Variants in GPR139 observed in about 807,000 individuals in gnomAD.
The protein encoded by GPR139 is G protein-coupled receptor 139.
Under a neutral mutation model 25.8 loss-of-function variants are expected in GPR139, and 12 were observed. The observed-to-expected ratio is 0.47, with a 90% CI of 0.30 to 0.75. The LOEUF (loss-of-function observed/expected upper bound fraction) is 0.75. GPR139 is among the 30% of genes least tolerant of loss of function. GPR139 has a pLI of 0.07. For synonymous variants in GPR139, 184 were observed against 179.9 expected, an observed-to-expected ratio of 1.02 and a Z score of -0.18; for missense variants, 380 against 450.2, an observed-to-expected ratio of 0.84 and a Z score of 1.41.
chr16:20,038,331 G>A (rs202234727), intron 1 of GPR139, among the ~76,000 whole-genome samples: 157 of 33,104 alleles, frequency 4.7e-3, no homozygotes, highest in African/African-American at 0.023. Flanking sequence ...ATATATATAT[G>A]TGTGTGTGTG....
At chr16:20,050,992 G>A (rs772129940) in intron 1 of GPR139, among the ~76,000 whole-genome samples, 69 of 149,544 alleles carry the variant, frequency 4.6e-4, no homozygotes, top group Non-Finnish European at 8.9e-4. Context: ...GAGCCCAAGA[G>A]GTCAAGGCTG....
Position 20,032,216 on chromosome 16 carries a change from A to G in GPR139, c.581T>C (p.Val194Ala). 1.2e-6 allele frequency: 2 copies of G among 1,614,206 alleles called. No homozygotes were observed. The highest frequency in any genetic ancestry group is 2.2e-5 in the South Asian group (2 of 91,080). ...IWIHCFTVYL[V>A]PCSIFFILNS... ...CAAGATGAAGAAGATGGAGCAGGGCACCAGGTAGACGGTGAAGCAGTGGAT... is the reference window on the plus strand; with the variant it reads ...CAAGATGAAGAAGATGGAGCAGGGCGCCAGGTAGACGGTGAAGCAGTGGAT... Residue 194 changes from valine (V) to alanine (A), a missense_variant, in exon 2 of 2, where the codon GTG becomes GCG. Coordinates refer to ENST00000570682, the MANE Select transcript of GPR139 (RefSeq NM_001002911.4).
intron 1 of GPR139, among the ~76,000 whole-genome samples, chr16:20,069,696 T>A (rs1231469079): frequency 6.6e-6 from 1 of 152,198 alleles, no homozygotes; most frequent in East Asian, 1.9e-4. Flanking sequence ...CGGCACTCTT[T>A]AGAAGGTAAT....
At chr16:20,066,846 A>G (rs1200665959) in intron 1 of GPR139, among the ~76,000 whole-genome samples, 1 of 152,238 alleles carries the variant, frequency 6.6e-6, no homozygotes, top group African/African-American at 2.4e-5. Flanking sequence ...TGAGAGAAGT[A>G]TTGTTATTCC....
rs1179500319 is a variant in GPR139 at position 20,028,380 on chromosome 16, C to T, written c.*3355G>A. Reference sequence around the variant, plus strand: ...AATCAGCATACTGCAATTGCTTGAACATAGATGCAAATACCAAACACCAAG... The same window carrying T: ...AATCAGCATACTGCAATTGCTTGAATATAGATGCAAATACCAAACACCAAG... On this transcript the variant is annotated 3_prime_UTR_variant, in exon 2 of 2. Transcript: ENST00000570682. Among the ~76,000 whole-genome samples, 2 of 152,134 alleles carry T rather than the reference C, an allele frequency of 1.3e-5. No individual in the cohort carries two copies. Among genetic ancestry groups the T allele is most frequent in the African/African-American group, 2.4e-5 (1 of 41,420 alleles).
rs140661166 is a variant in GPR139 at position 20,048,133 on chromosome 16, CTT to C, written c.128-15466_128-15465del. Among the ~76,000 whole-genome samples, 290 of 152,242 alleles carry C rather than the reference CTT, an allele frequency of 1.9e-3. 7 individuals carry two copies. The East Asian group carries it at 0.037, about 20-fold the overall frequency. On this transcript the variant is annotated intron_variant, in intron 1 of 1. Transcript: ENST00000570682. ...ATGAATAACTATGAATATAGATTAACTTAACATTGCAGAGAAGCAAAAGGCTG... is the reference window on the plus strand; with the variant it reads ...ATGAATAACTATGAATATAGATTAACAACATTGCAGAGAAGCAAAAGGCTG...
chr16:20,046,656 T>C (rs140533963), intron 1 of GPR139, among the ~76,000 whole-genome samples: 24 of 152,112 alleles, frequency 1.6e-4, no homozygotes, highest in Non-Finnish European at 3.2e-4. Flanking sequence ...GGTTCTGAGT[T>C]TGTGGCGAGG....
intron 1 of GPR139, among the ~76,000 whole-genome samples, chr16:20,072,968 C>A (rs992340676): frequency 6.6e-6 from 1 of 152,124 alleles, no homozygotes; most frequent in Non-Finnish European, 1.5e-5. Context: ...CATTCCAGTG[C>A]CCCCCGAGCA....
intron 1 of GPR139, among the ~76,000 whole-genome samples, chr16:20,060,347 C>T (rs1337739548): frequency 6.6e-6 from 1 of 151,348 alleles, no homozygotes; most frequent in Non-Finnish European, 1.5e-5. Context: ...TCTGTGTGTG[C>T]ATCTCTATGT....
chr16:20,040,110 C>T (rs2057324770), intron 1 of GPR139, among the ~76,000 whole-genome samples: 1 of 152,148 alleles, frequency 6.6e-6, no homozygotes, highest in Non-Finnish European at 1.5e-5. Context: ...TATCCAGCAT[C>T]CACTGTCACC....
intron 1 of GPR139, among the ~76,000 whole-genome samples, chr16:20,035,408 A>T (rs1337056200): frequency 2.0e-5 from 3 of 152,232 alleles, no homozygotes; most frequent in African/African-American, 7.2e-5. Flanking sequence ...ACTGCTTCAG[A>T]AAAGAGACCC....
At chr16:20,048,036 T>G (rs1397414207) in intron 1 of GPR139, among the ~76,000 whole-genome samples, 3 of 152,226 alleles carry the variant, frequency 2.0e-5, no homozygotes, top group Non-Finnish European at 4.4e-5. Flanking sequence ...ATTATTAATA[T>G]ATTGCCAAGC....
In GPR139 at chr16:20,028,816, G is replaced by C. The variant is rs1224683232; in HGVS notation, c.*2919C>G. Among the ~76,000 whole-genome samples the C allele has an allele frequency of 1.3e-5, 2 of 152,160 alleles. No individual in the cohort carries two copies. Among genetic ancestry groups the C allele is most frequent in the African/African-American group, 2.4e-5 (1 of 41,430 alleles). ...AAATCATATAGCAAGAGAGAAGCTA[G>C]TTAACTGTCTTTGAAAGAGGCACCA... On this transcript the variant is annotated 3_prime_UTR_variant, in exon 2 of 2. Transcript: ENST00000570682.
intron 1 of GPR139, among the ~76,000 whole-genome samples, chr16:20,053,623 G>T (rs1284843724): frequency 6.6e-6 from 1 of 152,164 alleles, no homozygotes; most frequent in Non-Finnish European, 1.5e-5. Flanking sequence ...TTGTTGTGGG[G>T]ACCTAAGGAG....
chr16:20,042,590 T>C (rs1472406280), intron 1 of GPR139, among the ~76,000 whole-genome samples: 2 of 152,188 alleles, frequency 1.3e-5, no homozygotes, highest in Non-Finnish European at 2.9e-5. Flanking sequence ...TGCATGATGA[T>C]TCAGTTGTCT....
rs199723951 is a variant in GPR139, at chr16:20,054,687, T to TCTTCCTTC, written c.127+18795_127+18802dup. On this transcript the variant is annotated intron_variant, in intron 1 of 1. Coordinates refer to ENST00000570682, the MANE Select transcript of GPR139 (RefSeq NM_001002911.4). Reference sequence around the variant, plus strand: ...TATTGTACAGATTTCCTTCCTTCCTTCTTCCTTCCTTCCTTCCTTCCTCCC... The same window carrying TCTTCCTTC: ...TATTGTACAGATTTCCTTCCTTCCTTCTTCCTTCCTTCCTTCCTTCCTTCCTTCCTCCC... Among the ~76,000 whole-genome samples the TCTTCCTTC allele has an allele frequency of 3.1e-5, 4 of 129,806 alleles. No homozygotes were observed. In the South Asian group the frequency reaches 9.0e-4, roughly 29 times the overall value. The allele number at this position is 129,806 out of a possible 152,430, so 85.2% of individuals were successfully genotyped here. A position where few individuals can be genotyped will look rare whatever the true frequency, so the allele number is the denominator to read the frequency against.
At chr16:20,039,487 T>C (rs1003502658) in intron 1 of GPR139, among the ~76,000 whole-genome samples, 1 of 152,218 alleles carries the variant, frequency 6.6e-6, no homozygotes, top group African/African-American at 2.4e-5. Flanking sequence ...AATTAAACAT[T>C]ATATCAGTGT....
At chr16:20,060,238 G>GA (rs2057406930) in intron 1 of GPR139, among the ~76,000 whole-genome samples, 1 of 151,512 alleles carries the variant, frequency 6.6e-6, no homozygotes, top group Non-Finnish European at 1.5e-5. Context: ...TTTGGCTGCA[G>GA]GGTGTGTGTG....
chr16:20,037,736 T>G (rs763249555), intron 1 of GPR139, among the ~76,000 whole-genome samples: 4 of 152,200 alleles, frequency 2.6e-5, no homozygotes, highest in Non-Finnish European at 5.9e-5. Context: ...TGTCTGACTT[T>G]CTGTCTTAAT....
Sources: gnomAD v4.1 joint callset for allele counts (sites outside exome capture counted in the v4.1 genomes callset) on GRCh38, gnomAD v4.1.1 for gene constraint, MANE v1.5 for transcripts, NCBI Gene and HGNC (gene_info 2026-07-23, HGNC 2026-07-21) for gene names.